Variants in SH3PXD2B observed in about 807,000 individuals in gnomAD.
The protein encoded by SH3PXD2B is SH3 and PX domain-containing protein 2B.
A neutral mutation model predicts 73.1 loss-of-function variants in SH3PXD2B; 37 were observed. That is an observed-to-expected ratio of 0.51 (90% CI 0.39 to 0.67). The LOEUF (loss-of-function observed/expected upper bound fraction) is 0.67, where lower values mean the gene tolerates loss of function less well. SH3PXD2B is among the 30% of genes least tolerant of loss of function. The probability of loss-of-function intolerance (pLI) is 0.00; values close to 1 mark genes in which losing one functional copy is unlikely to be tolerated. For missense variants in SH3PXD2B, 1,053 were observed against 1,197.8 expected (o/e 0.88, Z 1.78); for synonymous variants, 457 against 480.5 (o/e 0.95, Z 0.64).
At chr5:172,354,126 C>A in intron 8 of SH3PXD2B, 121 bp from the exon 9 acceptor site, 4 of 946,448 alleles carry the variant, frequency 4.2e-6, no homozygotes, top group East Asian at 2.5e-5. Context: ...CTGGGCACCC[C>A]CCCTGGCCCT....
At chr5:172,397,904 G>A (rs1758340952) in intron 3 of SH3PXD2B, among the ~76,000 whole-genome samples, 1 of 152,196 alleles carries the variant, frequency 6.6e-6, no homozygotes, top group East Asian at 1.9e-4. Context: ...TACTGTAAAA[G>A]AAAACAGGGC....
At position 172,350,385 on chromosome 5, in the gene SH3PXD2B, C is replaced by A; in HGVS notation, c.990G>T (p.Val330=). ...CACTCTGCTTGGCGTCACCGTCGGG[C>A]ACCGGGCGGCCTTCAAACCGCCCGT... ...QRDGRFEGRP[V]PDGDAKQRSP... is the part of the protein sequence containing the mutation. The change falls in exon 10 of 13, where the codon GTG becomes GTT. Residue 330 remains valine (V), a synonymous_variant. Coordinates refer to ENST00000311601, the MANE Select transcript of SH3PXD2B (RefSeq NM_001017995.3). 6.2e-7 allele frequency: 1 copy of A among 1,613,784 alleles called. No homozygotes were observed.
At chr5:172,382,574 C>T (rs1757974049) in intron 4 of SH3PXD2B, among the ~76,000 whole-genome samples, 1 of 151,966 alleles carries the variant, frequency 6.6e-6, no homozygotes, top group Admixed American at 6.6e-5. Context: ...CACACACACA[C>T]ACACACAATG....
chr5:172,440,786 G>A (rs966760603), intron 1 of SH3PXD2B, among the ~76,000 whole-genome samples: 10 of 152,138 alleles, frequency 6.6e-5, no homozygotes, highest in African/African-American at 2.2e-4. Context: ...TGGTGGAAGC[G>A]ACAGACTCTG....
chr5:172,352,229 CTAA>C (rs569381424), intron 9 of SH3PXD2B, among the ~76,000 whole-genome samples: 18 of 152,088 alleles, frequency 1.2e-4, no homozygotes, highest in Non-Finnish European at 1.9e-4. Context: ...TTTAAAAAAA[CTAA>C]TGTCTTTAAA....
At chr5:172,380,254 T>A (rs986812882) in intron 5 of SH3PXD2B, among the ~76,000 whole-genome samples, 1 of 152,012 alleles carries the variant, frequency 6.6e-6, no homozygotes, top group Non-Finnish European at 1.5e-5. Context: ...AGAGACAGGA[T>A]CTGACTATGT....
chr5:172,343,808 GAA>G (rs373283592), intron 12 of SH3PXD2B, among the ~76,000 whole-genome samples: 1 of 138,512 alleles, frequency 7.2e-6, no homozygotes, highest in African/African-American at 2.6e-5. Flanking sequence ...CCGTCTCAAA[GAA>G]AAAAAAAAAG....
intron 8 of SH3PXD2B, 55 bp from the exon 9 acceptor site, chr5:172,354,060 G>A (rs1178261753): frequency 5.3e-6 from 8 of 1,508,522 alleles, no homozygotes; most frequent in East Asian, 2.3e-5. Flanking sequence ...GGCTTGGGAT[G>A]CCGTAATCCC....
chr5:172,428,491 C>T (rs887790165), intron 1 of SH3PXD2B, among the ~76,000 whole-genome samples: 5 of 152,194 alleles, frequency 3.3e-5, no homozygotes, highest in Admixed American at 1.3e-4. Flanking sequence ...AGCAAAATGC[C>T]ACAGCCACTC....
Position 172,334,311 on chromosome 5 carries a change from C to T in SH3PXD2B, c.*4058G>A. 1.0e-6 allele frequency: 1 copy of T among 996,872 alleles called. No individual in the cohort carries two copies. Among genetic ancestry groups the T allele is most frequent in the Non-Finnish European group, 1.2e-6 (1 of 838,744 alleles). 61.8% of individuals were successfully genotyped at this position (996,872 alleles called of 1,614,324 possible). On this transcript the variant is annotated 3_prime_UTR_variant, in exon 13 of 13. Coordinates refer to ENST00000311601, the MANE Select transcript of SH3PXD2B (RefSeq NM_001017995.3). Reference sequence around the variant, plus strand: ...CTCCGGTTCCAGCTCTGCAGCTCTGCCTGGGACCCTCGTGGAAACTTACTC... The same window carrying T: ...CTCCGGTTCCAGCTCTGCAGCTCTGTCTGGGACCCTCGTGGAAACTTACTC...
intron 5 of SH3PXD2B, among the ~76,000 whole-genome samples, chr5:172,380,397 A>G (rs1757916886): frequency 6.6e-6 from 1 of 152,188 alleles, no homozygotes; most frequent in African/African-American, 2.4e-5. Context: ...GTGGAAAGGG[A>G]ACACAATAAG....
At chr5:172,341,245 G>A (rs1028583945) in intron 12 of SH3PXD2B, among the ~76,000 whole-genome samples, 1 of 152,190 alleles carries the variant, frequency 6.6e-6, no homozygotes, top group African/African-American at 2.4e-5. Flanking sequence ...CCTTTAAAGA[G>A]GTGGTTAAGG....
chr5:172,342,283 G>A (rs529127358), intron 12 of SH3PXD2B, among the ~76,000 whole-genome samples: 9 of 152,244 alleles, frequency 5.9e-5, no homozygotes, highest in South Asian at 4.1e-4. Flanking sequence ...CTCTGGACTC[G>A]GAAGATCTGA....
chr5:172,397,665 G>A (rs1415943336), intron 3 of SH3PXD2B, among the ~76,000 whole-genome samples: 1 of 152,194 alleles, frequency 6.6e-6, no homozygotes, highest in African/African-American at 2.4e-5. Context: ...AATTATTGGG[G>A]GCGGGTTCCC....
At chr5:172,360,933 T>C (rs1440579999) in intron 7 of SH3PXD2B, among the ~76,000 whole-genome samples, 1 of 152,212 alleles carries the variant, frequency 6.6e-6, no homozygotes, top group Non-Finnish European at 1.5e-5. Flanking sequence ...CACACAGACA[T>C]GTTCACACTG....
chr5:172,415,915 T>G (rs1171019499), intron 2 of SH3PXD2B, among the ~76,000 whole-genome samples: 1 of 152,212 alleles, frequency 6.6e-6, no homozygotes, highest in East Asian at 1.9e-4. Context: ...TCCCATTTCC[T>G]GCACCCTCAG....
chr5:172,425,881 G>A (rs1352248418), intron 1 of SH3PXD2B, among the ~76,000 whole-genome samples: 3 of 152,122 alleles, frequency 2.0e-5, no homozygotes, highest in African/African-American at 7.2e-5. Context: ...GCAGCTCATT[G>A]AAGGGCTGCA....
intron 2 of SH3PXD2B, among the ~76,000 whole-genome samples, chr5:172,407,057 A>G (rs1179430737): frequency 6.6e-6 from 1 of 152,222 alleles, no homozygotes; most frequent in African/African-American, 2.4e-5. Flanking sequence ...GATTTGGCAT[A>G]CAAAATCACG....
rs1561908066 is a variant in SH3PXD2B, at chr5:172,368,516, T to TATATATATTATATATATATATATAAA, written c.427+5273_427+5274insTTTATATATATATATATAATATATAT. ...ATATATTATATATATATATATAAAA[T>TATATATATTATATATATATATATAAA]ATATATATATTATATATATATATAA... On this transcript the variant is annotated intron_variant, in intron 6 of 12. Transcript: ENST00000311601. Among the ~76,000 whole-genome samples the TATATATATTATATATATATATATAAA allele has an allele frequency of 4.4e-4, 8 of 18,370 alleles. 2 individuals carry two copies. The highest frequency in any genetic ancestry group is 2.7e-3 in the South Asian group (1 of 374). The allele number at this position is 18,370 out of a possible 152,430, so 12.1% of individuals were successfully genotyped here.
Sources: allele counts gnomAD v4.1 joint callset (sites outside exome capture counted in the v4.1 genomes callset), GRCh38; gene constraint gnomAD v4.1.1; transcripts MANE v1.5; gene names NCBI Gene and HGNC (gene_info 2026-07-23, HGNC 2026-07-21).